CHSY3: variants seen among roughly 807,000 people sequenced by gnomAD.
CHSY3 encodes chondroitin sulfate synthase 3, also known as N-acetylgalactosaminyl-proteoglycan 3-beta-glucuronosyltransferase 3.
In CHSY3, 35 loss-of-function variants were observed where a neutral mutation model predicts 67.2. The ratio of observed to expected loss-of-function variants is 0.52; its 90% CI spans 0.40 to 0.69. CHSY3 has a LOEUF of 0.69. Among genes scored for constraint, CHSY3 ranks in the 30% least tolerant of loss-of-function variants. CHSY3 has a pLI of 0.00. For missense variants in CHSY3, 1,069 were observed against 1,138.5 expected, an observed-to-expected ratio of 0.94 and a Z score of 0.88; for synonymous variants, 474 against 434.7, an observed-to-expected ratio of 1.09 and a Z score of -1.12.
At position 129,905,463 on chromosome 5, in the gene CHSY3, C is replaced by T. The variant is rs2149572412; in HGVS notation, c.634C>T (p.Pro212Ser). 1 of 1,612,782 alleles carries T rather than the reference C, an allele frequency of 6.2e-7. No individual in the cohort carries two copies. The highest frequency in any genetic ancestry group is 1.7e-5 in the Admixed American group (1 of 60,030). The change falls in exon 1 of 3, where the codon CCC (proline) becomes TCC (serine). Residue 212 changes from proline to serine, a missense_variant. By Grantham distance (74) the Pro-to-Ser change is moderately conservative. Coordinates refer to ENST00000305031, the MANE Select transcript of CHSY3 (RefSeq NM_175856.5). The stretch of plus-strand genomic sequence containing the variant: ...GGAGTTCTTTTCCAGCCAGCAGCCC[C>T]CCAACGCCGGCCAGCCCCCGCCACC... ...RVEFFSSQQP[P>S]NAGQPPPPLP...
At chr5:129,910,270 T>A (rs1760489990) in intron 2 of CHSY3, among the ~76,000 whole-genome samples, 1 of 152,032 alleles carries the variant, frequency 6.6e-6, no homozygotes, top group Admixed American at 6.5e-5. Flanking sequence ...CCATAACTTT[T>A]CGTAATACAT....
chr5:129,954,351 G>A (rs184786034), intron 2 of CHSY3, among the ~76,000 whole-genome samples: 1 of 151,994 alleles, frequency 6.6e-6, no homozygotes, highest in African/African-American at 2.4e-5. Flanking sequence ...ATCTGTTTTG[G>A]TACCAGTACC....
rs182058484 is a variant in CHSY3 at position 130,151,997 on chromosome 5, A to C, written c.1087-32232A>C. On this transcript the variant is annotated intron_variant, in intron 2 of 2. Coordinates refer to ENST00000305031, the MANE Select transcript of CHSY3 (RefSeq NM_175856.5). ...TTTTAATTTCTTTGAGGACATATCT[A>C]TGCCAGGCACTAGGTGCCCTTGAGC... Among the ~76,000 whole-genome samples, 36 of 152,344 alleles carry C rather than the reference A, an allele frequency of 2.4e-4. No individual in the cohort carries two copies. In the East Asian group the frequency reaches 5.2e-3, roughly 22 times the overall value.
chr5:129,946,210 T>C (rs1183092747), intron 2 of CHSY3, among the ~76,000 whole-genome samples: 1 of 152,148 alleles, frequency 6.6e-6, no homozygotes, highest in East Asian at 1.9e-4. Flanking sequence ...TGGAAAAAAA[T>C]AGGCATTTCT....
chr5:130,168,820 G>C (rs1239631235), intron 2 of CHSY3, among the ~76,000 whole-genome samples: 1 of 152,102 alleles, frequency 6.6e-6, no homozygotes, highest in African/African-American at 2.4e-5. Flanking sequence ...AGTACAATGA[G>C]CACTGGCCAA....
At chr5:130,120,141 C>G (rs1767960722) in intron 2 of CHSY3, among the ~76,000 whole-genome samples, 1 of 152,070 alleles carries the variant, frequency 6.6e-6, no homozygotes, top group African/African-American at 2.4e-5. Flanking sequence ...AAAATATAAA[C>G]TTTCACTTCT....
At chr5:130,143,804 A>G (rs56271512) in intron 2 of CHSY3, among the ~76,000 whole-genome samples, 5,518 of 36,992 alleles carry the variant, frequency 0.15, 598 homozygotes, top group African/African-American at 0.39. Flanking sequence ...ATATATATAT[A>G]TGTGTGTATA....
At chr5:130,092,893 A>C (rs1766925732) in intron 2 of CHSY3, among the ~76,000 whole-genome samples, 1 of 152,184 alleles carries the variant, frequency 6.6e-6, no homozygotes, top group Non-Finnish European at 1.5e-5. Flanking sequence ...AACAGGAGGC[A>C]GGTAGTCAGT....
At chr5:129,959,267 T>C (rs1014885389) in intron 2 of CHSY3, among the ~76,000 whole-genome samples, 3 of 152,166 alleles carry the variant, frequency 2.0e-5, no homozygotes, top group Admixed American at 6.6e-5. Flanking sequence ...ACTAGAGAGA[T>C]GATCTCATCA....
At position 130,121,059 on chromosome 5, in the gene CHSY3, C is replaced by T. The variant is rs527488694; in HGVS notation, c.1087-63170C>T. On this transcript the variant is annotated intron_variant, in intron 2 of 2. Coordinates refer to ENST00000305031, the MANE Select transcript of CHSY3 (RefSeq NM_175856.5). ...CTGTTCCGTTTGGGCTGGCTGTGGC[C>T]CTGACTCTTTCCTGTGATAGACTGT... Among the ~76,000 whole-genome samples, 5 of 152,224 alleles carry T rather than the reference C, an allele frequency of 3.3e-5. No individual in the cohort carries two copies. The South Asian group carries it at 6.2e-4, about 19-fold the overall frequency.
At chr5:130,051,953 A>C (rs1765372424) in intron 2 of CHSY3, 1 of 151,688 alleles carries the variant, frequency 6.6e-6, no homozygotes, top group Non-Finnish European at 1.5e-5. Flanking sequence ...AAAAAAAAAA[A>C]AAGAAACTCA....
intron 2 of CHSY3, among the ~76,000 whole-genome samples, chr5:130,069,793 T>C (rs1766002380): frequency 6.6e-6 from 1 of 152,070 alleles, no homozygotes. Flanking sequence ...ACAAAAGATA[T>C]TTCTCTTACC....
chr5:130,124,109 G>T (rs1355661613), intron 2 of CHSY3, among the ~76,000 whole-genome samples: 1 of 148,904 alleles, frequency 6.7e-6, no homozygotes, highest in Non-Finnish European at 1.5e-5. Flanking sequence ...GCATAAAATT[G>T]ACTATATAAT....
intron 2 of CHSY3, among the ~76,000 whole-genome samples, chr5:130,127,846 A>G (rs78809905): frequency 0.047 from 7,188 of 152,216 alleles, 434 homozygotes; most frequent in East Asian, 0.27. Context: ...TATTATGATT[A>G]TGCACTATTA....
intron 2 of CHSY3, among the ~76,000 whole-genome samples, chr5:129,927,730 A>AT (rs1056387441): frequency 3.3e-5 from 5 of 151,834 alleles, no homozygotes; most frequent in African/African-American, 7.3e-5. Flanking sequence ...TTACACTTGT[A>AT]TTTTTTTTAA....
intron 2 of CHSY3, among the ~76,000 whole-genome samples, chr5:129,992,878 A>G (rs1342068526): frequency 6.6e-6 from 1 of 152,192 alleles, no homozygotes; most frequent in African/African-American, 2.4e-5. Context: ...GTACTAAAGC[A>G]GTAGTTTTTG....
chr5:129,949,679 A>G (rs534845452), intron 2 of CHSY3, among the ~76,000 whole-genome samples: 1 of 152,302 alleles, frequency 6.6e-6, no homozygotes, highest in South Asian at 2.1e-4. Context: ...CTATAGGCCA[A>G]TATCCCTGAT....
intron 2 of CHSY3, among the ~76,000 whole-genome samples, chr5:130,041,005 C>G (rs756860691): frequency 3.9e-4 from 60 of 152,214 alleles, no homozygotes; most frequent in Middle Eastern, 3.4e-3. Context: ...TAACAAGGAT[C>G]CTACTTGTCC....
At chr5:130,118,617 T>C (rs1185557450) in intron 2 of CHSY3, among the ~76,000 whole-genome samples, 1 of 152,132 alleles carries the variant, frequency 6.6e-6, no homozygotes, top group East Asian at 1.9e-4. Flanking sequence ...CTGGAACATC[T>C]GCTGTCAAGT....
Sources: gnomAD v4.1 joint callset for allele counts (sites outside exome capture counted in the v4.1 genomes callset) on GRCh38, gnomAD v4.1.1 for gene constraint, MANE v1.5 for transcripts, NCBI Gene and HGNC (gene_info 2026-07-23, HGNC 2026-07-21) for gene names.